Variants in NEMP2 observed in about 807,000 individuals in gnomAD.
NEMP2 encodes nuclear envelope integral membrane protein 2, also known as UPF0571 transmembrane protein.
NEMP2 carries 53 observed loss-of-function variants against 54.2 expected under a neutral mutation model. The ratio of observed to expected loss-of-function variants is 0.98; its 90% confidence interval spans 0.78 to 1.23. The LOEUF (loss-of-function observed/expected upper bound fraction) is 1.23. Among genes scored for constraint, NEMP2 ranks in the 50% most tolerant of loss-of-function variants. The probability of loss-of-function intolerance (pLI) is 0.00; values close to 1 mark genes in which losing one functional copy is unlikely to be tolerated. For synonymous variants in NEMP2, 197 were observed against 190.3 expected (o/e 1.04, Z -0.29); for missense variants, 455 against 511.3 (o/e 0.89, Z 1.06).
the NEMP2 span, among the ~76,000 whole-genome samples, chr2:190,640,706 G>A: frequency 2.2e-4 from 33 of 150,750 alleles, no homozygotes; most frequent in East Asian, 1.6e-3. Context: ...CAAAGTATCC[G>A]CTCCTAGAAG....
the NEMP2 span, chr2:190,444,682 T>C: frequency 6.5e-6 from 1 of 153,420 alleles, no homozygotes; most frequent in Non-Finnish European, 1.4e-5. Flanking sequence ...AGCCACACTG[T>C]AACTCCTGAA....
chr2:190,616,041 A>G, the NEMP2 span, among the ~76,000 whole-genome samples: 1 of 152,178 alleles, frequency 6.6e-6, no homozygotes, highest in African/African-American at 2.4e-5. This position sits in a 1 kb window ranked among gnomAD's most constrained non-coding sequence, Gnocchi z 5.1. Context: ...CAACTTTGTC[A>G]TGTAACTGTT....
chr2:190,436,393 G>A, the NEMP2 span: 1 of 1,614,068 alleles, frequency 6.2e-7, no homozygotes. This position sits in a 1 kb window ranked among gnomAD's most constrained non-coding sequence, Gnocchi z 5.3. Flanking sequence ...CCCCTTTTGG[G>A]GTGTAGTTGC....
the NEMP2 span, among the ~76,000 whole-genome samples, chr2:190,569,697 A>T: frequency 6.6e-6 from 1 of 152,230 alleles, no homozygotes; most frequent in Non-Finnish European, 1.5e-5. Flanking sequence ...GACATCTTGG[A>T]TATAAAAGGA....
At position 190,512,792 on chromosome 2, in the gene NEMP2, G is replaced by A. The variant is rs1229497236; in HGVS notation, c.953+1661C>T. ...GTTTGCCTCGGGCAGATGGGGCAAA[G>A]AGAGACCCAGTCAGCATCAACCCTC... On this transcript the variant is annotated intron_variant, in intron 7 of 8. Coordinates refer to ENST00000409150, the MANE Select transcript of NEMP2 (RefSeq NM_001142645.2). This position sits in a 1 kb window ranked among gnomAD's most constrained non-coding sequence, Gnocchi z 4.5. 6.6e-6 allele frequency among the ~76,000 whole-genome samples: 1 copy of A among 152,204 alleles called. No individual in the cohort carries two copies. Among genetic ancestry groups the A allele is most frequent in the East Asian group, 1.9e-4 (1 of 5,190 alleles).
At chr2:190,560,422 A>G in the NEMP2 span, among the ~76,000 whole-genome samples, 1 of 152,212 alleles carries the variant, frequency 6.6e-6, no homozygotes, top group Non-Finnish European at 1.5e-5. This position sits in a 1 kb window ranked among gnomAD's most constrained non-coding sequence, Gnocchi z 5.4. Context: ...TGTGTTAAAT[A>G]CAATTTCTAT....
At chr2:190,628,779 A>T in the NEMP2 span, 1 of 152,200 alleles carries the variant, frequency 6.6e-6, no homozygotes, top group Non-Finnish European at 1.5e-5. This position sits in a 1 kb window ranked among gnomAD's most constrained non-coding sequence, Gnocchi z 4.1. Flanking sequence ...TAGACATGAG[A>T]AAAAGCCAGC....
chr2:190,436,277 G>C, the NEMP2 span: 2 of 1,613,864 alleles, frequency 1.2e-6, no homozygotes, highest in Non-Finnish European at 1.7e-6. This position sits in a 1 kb window ranked among gnomAD's most constrained non-coding sequence, Gnocchi z 5.3. Context: ...TCTGCCTATG[G>C]CTCTCTCTAT....
the NEMP2 span, among the ~76,000 whole-genome samples, chr2:190,589,159 T>C: frequency 1.3e-5 from 2 of 152,138 alleles, no homozygotes; most frequent in Non-Finnish European, 2.9e-5. This position sits in a 1 kb window ranked among gnomAD's most constrained non-coding sequence, Gnocchi z 4.3. Context: ...CTCTGACTGA[T>C]GATTTTGTTG....
the NEMP2 span, among the ~76,000 whole-genome samples, chr2:190,424,970 A>G: frequency 2.0e-5 from 3 of 152,234 alleles, no homozygotes; most frequent in South Asian, 2.1e-4. The surrounding 1 kb of genome is among the most constrained non-coding windows in gnomAD (Gnocchi z 5.9). Context: ...CTGTATATCA[A>G]TTTGAGGAGA....
At chr2:190,497,863 C>A in the NEMP2 span, 2 of 927,128 alleles carry the variant, frequency 2.2e-6, no homozygotes, top group Non-Finnish European at 3.2e-6. The surrounding 1 kb of genome is among the most constrained non-coding windows in gnomAD (Gnocchi z 5.2). Context: ...TTTCAGTACT[C>A]TGTGAGCACT....
rs1186521589 is a variant in NEMP2, at chr2:190,508,544, A to G, written c.*645T>C. 1 of 152,284 alleles carries G rather than the reference A, an allele frequency of 6.6e-6. No individual in the cohort carries two copies. The highest frequency in any genetic ancestry group is 1.5e-5 in the Non-Finnish European group (1 of 68,076). 9.4% of individuals were successfully genotyped at this position (152,284 alleles called of 1,614,324 possible). A position where few individuals can be genotyped will look rare whatever the true frequency, so the allele number is the denominator to read the frequency against. ...TTCCAAGGAATATTAATCTCATGAA[A>G]AAGAGTTCTGTGGTCAAATTAAGCA... On this transcript the variant is annotated 3_prime_UTR_variant, in exon 9 of 9. Coordinates refer to ENST00000409150, the MANE Select transcript of NEMP2 (RefSeq NM_001142645.2). The surrounding 1 kb of genome is among the most constrained non-coding windows in gnomAD (Gnocchi z 4.3).
At chr2:190,560,335 T>C in the NEMP2 span, among the ~76,000 whole-genome samples, 1 of 152,196 alleles carries the variant, frequency 6.6e-6, no homozygotes, top group Non-Finnish European at 1.5e-5. This position sits in a 1 kb window ranked among gnomAD's most constrained non-coding sequence, Gnocchi z 5.4. Flanking sequence ...ACTTCTTTTT[T>C]TCTTTATTCA....
intron 2 of NEMP2, among the ~76,000 whole-genome samples, chr2:190,524,929 T>C (rs73979283): frequency 0.017 from 2,531 of 152,350 alleles, 72 homozygotes; most frequent in African/African-American, 0.057. Context: ...CCAGAATTTC[T>C]ATTTGGAGGG....
chr2:190,638,207 G>T, the NEMP2 span, among the ~76,000 whole-genome samples: 346 of 152,278 alleles, frequency 2.3e-3, 4 homozygotes, highest in African/African-American at 8.1e-3. The surrounding 1 kb of genome is among the most constrained non-coding windows in gnomAD (Gnocchi z 5.7). Flanking sequence ...GCTACATGGG[G>T]AGCCTGGACT....
At chr2:190,642,123 C>A in the NEMP2 span, among the ~76,000 whole-genome samples, 2 of 152,072 alleles carry the variant, frequency 1.3e-5, no homozygotes, top group African/African-American at 4.8e-5. The surrounding 1 kb of genome is among the most constrained non-coding windows in gnomAD (Gnocchi z 4.1). Flanking sequence ...CCACCTAATC[C>A]CCCCAAAGTC....
chr2:190,573,561 C>T, the NEMP2 span, among the ~76,000 whole-genome samples: 3 of 152,098 alleles, frequency 2.0e-5, no homozygotes, highest in Non-Finnish European at 4.4e-5. Flanking sequence ...CTCTTTAAAC[C>T]TGAGTCCTAG....
At chr2:190,427,021 T>C in the NEMP2 span, among the ~76,000 whole-genome samples, 37 of 152,346 alleles carry the variant, frequency 2.4e-4, no homozygotes, top group South Asian at 7.5e-3. Context: ...AGCTCCCCAG[T>C]AGGCCTCCTC....
intron 6 of NEMP2, among the ~76,000 whole-genome samples, chr2:190,515,891 TAATG>T (rs1298820088): frequency 1.3e-5 from 2 of 152,252 alleles, no homozygotes; most frequent in Non-Finnish European, 2.9e-5. Flanking sequence ...TCACCTTTCC[TAATG>T]AATACTTACG....
Sources: allele counts gnomAD v4.1 joint callset (sites outside exome capture counted in the v4.1 genomes callset), GRCh38; gene constraint gnomAD v4.1.1; non-coding constraint Gnocchi (gnomAD v3.1); transcripts MANE v1.5; gene names NCBI Gene and HGNC (gene_info 2026-07-23, HGNC 2026-07-21).